Variants in BID observed in about 807,000 individuals in gnomAD.
BID encodes the protein BH3 interacting domain death agonist.
Under a neutral mutation model 17.4 loss-of-function variants are expected in BID, and 19 were observed. That is an observed-to-expected ratio of 1.09 (90% CI 0.76 to 1.60). The LOEUF is 1.60. Among genes scored for constraint, BID ranks in the 40% most tolerant of loss-of-function variants. The pLI is 0.00. For missense variants in BID, 226 were observed against 256.0 expected (o/e 0.88, Z 0.80); for synonymous variants, 108 against 102.8 (o/e 1.05, Z -0.31).
intron 1 of BID, among the ~76,000 whole-genome samples, chr22:17,757,520 A>C (rs1177915619): frequency 1.3e-5 from 2 of 151,736 alleles, no homozygotes; most frequent in African/African-American, 4.8e-5. Context: ...CATCCTGGCT[A>C]ACACGGTGAA....
Position 17,773,790 on chromosome 22 carries a change from T to A in BID, c.-59+591A>T, listed in dbSNP as rs949952493. On this transcript the variant is annotated intron_variant, in intron 1 of 5. Coordinates refer to ENST00000622694, the MANE Select transcript of BID (RefSeq NM_001196.4). The surrounding 1 kb of genome is among the most constrained non-coding windows in gnomAD (Gnocchi z 4.4). Reference sequence around the variant, plus strand: ...GGGTCCCCTGGGGTCATTCAGCCACTCAACAGTTTCCCAGCAGCAGCAGCG... The same window carrying A: ...GGGTCCCCTGGGGTCATTCAGCCACACAACAGTTTCCCAGCAGCAGCAGCG... 4.5e-6 allele frequency: 5 copies of A among 1,099,372 alleles called. No homozygotes were observed. The African/African-American group carries it at 6.3e-5, about 14-fold the overall frequency. 68.1% of individuals were successfully genotyped at this position (1,099,372 alleles called of 1,614,324 possible).
At position 17,734,739 on chromosome 22, in the gene BID, G is replaced by GCTAA. The variant is rs1409542051; in HGVS notation, c.*837_*840dup. The stretch of plus-strand genomic sequence containing the variant: ...GGAAGTTTACAGCTATTACCAGGGG[G>GCTAA]CTAACTCCCGGGGCATCGCAGTAGC... On this transcript the variant is annotated 3_prime_UTR_variant, in exon 6 of 6. Transcript: ENST00000622694. The GCTAA allele has an allele frequency of 1.3e-5, 2 of 152,212 alleles. No homozygotes were observed. Among genetic ancestry groups the GCTAA allele is most frequent in the Non-Finnish European group, 2.9e-5 (2 of 68,046 alleles). The allele number at this position is 152,212 out of a possible 1,614,324, so 9.4% of individuals were successfully genotyped here. A position where few individuals can be genotyped will look rare whatever the true frequency, so the allele number is the denominator to read the frequency against.
At chr22:17,756,476 TTTTCTTTC>T (rs56273043) in intron 1 of BID, among the ~76,000 whole-genome samples, 12 of 103,692 alleles carry the variant, frequency 1.2e-4, no homozygotes, top group African/African-American at 4.3e-4. Context: ...TCTTTCTTTC[TTTTCTTTC>T]TTTCTTTCTT....
intron 1 of BID, among the ~76,000 whole-genome samples, chr22:17,754,152 T>TG (rs1175086484): frequency 1.4e-5 from 2 of 143,724 alleles, no homozygotes; most frequent in Non-Finnish European, 3.0e-5. Flanking sequence ...CTCTGCCGGA[T>TG]GGGGGTGACA....
Position 17,735,364 on chromosome 22 carries a change from C to CTA in BID, c.*215_*216insTA. On this transcript the variant is annotated 3_prime_UTR_variant, in exon 6 of 6. Transcript: ENST00000622694. ...GGATGATATGAAGGCCATTCAAATA[C>CTA]GTGTAAATGGACATTTTCATTCAAG... 1 of 581,278 alleles carries CTA rather than the reference C, an allele frequency of 1.7e-6. No individual in the cohort carries two copies. Among genetic ancestry groups the CTA allele is most frequent in the East Asian group, 2.9e-5 (1 of 34,488 alleles). The allele number at this position is 581,278 out of a possible 1,614,324, so 36.0% of individuals were successfully genotyped here. A position where few individuals can be genotyped will look rare whatever the true frequency, so the allele number is the denominator to read the frequency against.
chr22:17,759,675 T>C (rs982142729), intron 1 of BID, among the ~76,000 whole-genome samples: 18 of 152,236 alleles, frequency 1.2e-4, no homozygotes, highest in African/African-American at 3.9e-4. Flanking sequence ...CTGGGCAACA[T>C]AGTGAGGCCC....
chr22:17,768,764 C>T (rs956987851), intron 1 of BID, among the ~76,000 whole-genome samples: 7 of 151,358 alleles, frequency 4.6e-5, no homozygotes, highest in Non-Finnish European at 5.9e-5. Context: ...CCCAGCTACT[C>T]GGGAAGCTGA....
intron 2 of BID, among the ~76,000 whole-genome samples, chr22:17,745,006 C>A (rs1013131427): frequency 6.6e-6 from 1 of 152,146 alleles, no homozygotes; most frequent in South Asian, 2.1e-4. Flanking sequence ...ATTAGAAAAA[C>A]CAAAAACTTT....
chr22:17,758,747 G>C (rs1344289437), intron 1 of BID, among the ~76,000 whole-genome samples: 1 of 152,172 alleles, frequency 6.6e-6, no homozygotes, highest in South Asian at 2.1e-4. Context: ...AAGGGCTGGG[G>C]GTGGCAAGTT....
intron 3 of BID, chr22:17,740,159 T>A (rs1490839307): frequency 6.2e-7 from 1 of 1,612,054 alleles, no homozygotes; most frequent in Admixed American, 1.7e-5. Flanking sequence ...GCACTTGCTG[T>A]GTTATTGTCT....
intron 1 of BID, among the ~76,000 whole-genome samples, chr22:17,750,388 C>T (rs2289713): frequency 0.07 from 10,635 of 152,308 alleles, 813 homozygotes; most frequent in African/African-American, 0.19. Context: ...GCCCTGGGGC[C>T]GACCCCGCAC....
At position 17,774,415 on chromosome 22, in the gene BID, G is replaced by C. The variant is rs561012229; in HGVS notation, c.-93C>G. The C allele has an allele frequency of 1.8e-3, 487 of 278,114 alleles. 2 individuals are homozygous for C. The highest frequency in any genetic ancestry group is 0.01 in the African/African-American group (453 of 44,154). The allele number at this position is 278,114 out of a possible 1,614,324, so 17.2% of individuals were successfully genotyped here. ...GCCGCGGGGGCGCGGGCGCGTCCGG[G>C]CCGAGGCAGCGTCTCCCAGGCGCGC... On this transcript the variant is annotated 5_prime_UTR_variant, in exon 1 of 6. Transcript: ENST00000622694.
intron 2 of BID, among the ~76,000 whole-genome samples, chr22:17,744,235 G>A (rs1443126727): frequency 1.3e-5 from 2 of 152,180 alleles, no homozygotes; most frequent in Admixed American, 6.5e-5. Flanking sequence ...AGCGAGCCCC[G>A]ACTCTGCAGA....
At chr22:17,756,506 TTCTG>T (rs201262401) in intron 1 of BID, among the ~76,000 whole-genome samples, 7,021 of 142,254 alleles carry the variant, frequency 0.049, 264 homozygotes, top group East Asian at 0.12. Context: ...CTCTCTCTCT[TTCTG>T]TCTGTCTCTC....
chr22:17,755,710 G>C (rs183057177), intron 1 of BID, among the ~76,000 whole-genome samples: 2 of 149,616 alleles, frequency 1.3e-5, no homozygotes, highest in African/African-American at 4.9e-5. Context: ...TAAGGCAGAA[G>C]AATCACTTGA....
intron 1 of BID, among the ~76,000 whole-genome samples, chr22:17,751,429 G>C (rs2061539034): frequency 6.6e-6 from 1 of 151,880 alleles, no homozygotes; most frequent in African/African-American, 2.4e-5. Flanking sequence ...ACTGTGAATA[G>C]AATAATCCTG....
intron 4 of BID, 73 bp downstream of exon 4, chr22:17,739,276 G>A: frequency 6.8e-7 from 1 of 1,464,156 alleles, no homozygotes; most frequent in Non-Finnish European, 9.1e-7. Flanking sequence ...ACAGTGGGCT[G>A]CCTGGTGAGA....
In BID at chr22:17,735,498, C is replaced by T. The variant is rs1219091354; in HGVS notation, c.*82G>A. 3 of 1,554,368 alleles carry T rather than the reference C, an allele frequency of 1.9e-6. No homozygotes were observed. The highest frequency in any genetic ancestry group is 2.7e-5 in the African/African-American group (2 of 73,608). ...TTCTCTAGGAACGCTGTTGACATGCCAGGGCTCCGTCTACACTGGAAGCAG... is the reference window on the plus strand; with the variant it reads ...TTCTCTAGGAACGCTGTTGACATGCTAGGGCTCCGTCTACACTGGAAGCAG... On this transcript the variant is annotated 3_prime_UTR_variant, in exon 6 of 6. Transcript: ENST00000622694.
intron 2 of BID, among the ~76,000 whole-genome samples, chr22:17,745,044 G>T (rs905263415): frequency 3.3e-5 from 5 of 151,996 alleles, no homozygotes; most frequent in Non-Finnish European, 5.9e-5. Flanking sequence ...AGGGCAAATT[G>T]TTTTTTTGTT....
Sources: gnomAD v4.1 joint callset for allele counts (sites outside exome capture counted in the v4.1 genomes callset) on GRCh38, gnomAD v4.1.1 for gene constraint, Gnocchi (gnomAD v3.1) non-coding constraint, MANE v1.5 for transcripts, NCBI Gene and HGNC (gene_info 2026-07-23, HGNC 2026-07-21) for gene names.